SRP54: variants seen among roughly 807,000 people sequenced by gnomAD.
The protein encoded by SRP54 is signal recognition particle 54, also known as signal recognition particle subunit SRP54.
SRP54 carries 10 observed loss-of-function variants against 64.8 expected under a neutral mutation model. The ratio of observed to expected loss-of-function variants is 0.15; its 90% CI spans 0.10 to 0.26. SRP54 has a LOEUF of 0.26. Among genes scored for constraint, SRP54 ranks in the 10% least tolerant of loss-of-function variants. SRP54 has a pLI of 1.00. For synonymous variants in SRP54, 193 were observed against 185.6 expected (o/e 1.04, Z -0.32); for missense variants, 325 against 613.7 (o/e 0.53, Z 4.97).
intron 1 of SRP54, among the ~76,000 whole-genome samples, chr14:34,991,709 T>A (rs962544641): frequency 7.7e-5 from 11 of 142,818 alleles, no homozygotes; most frequent in African/African-American, 2.6e-4. Context: ...ATGATTAAAA[T>A]CAGTCATGCG....
intron 4 of SRP54, among the ~76,000 whole-genome samples, chr14:35,003,524 A>G (rs2044209468): frequency 6.6e-6 from 1 of 150,574 alleles, no homozygotes; most frequent in South Asian, 2.1e-4. Flanking sequence ...ACAGGCATGC[A>G]CCACCATGTT....
chr14:35,024,741 T>G (rs1216871887), intron 14 of SRP54, among the ~76,000 whole-genome samples: 1 of 152,048 alleles, frequency 6.6e-6, no homozygotes, highest in Non-Finnish European at 1.5e-5. Context: ...TTTCTTCTTT[T>G]TTTGAGACAG....
At chr14:35,028,797 C>G (rs962372837) in intron 15 of SRP54, among the ~76,000 whole-genome samples, 1 of 151,882 alleles carries the variant, frequency 6.6e-6, no homozygotes, top group Non-Finnish European at 1.5e-5. Flanking sequence ...ACTATGTGAC[C>G]GGTAGTATCC....
intron 1 of SRP54, among the ~76,000 whole-genome samples, chr14:34,996,117 A>G (rs1056957738): frequency 1.3e-5 from 2 of 152,208 alleles, no homozygotes; most frequent in African/African-American, 4.8e-5. Context: ...TGTGGTTAGA[A>G]GAATAAAATG....
At position 35,022,892 on chromosome 14, in the gene SRP54, A is replaced by C; in HGVS notation, c.1157-18A>C. ...GTGAATGATAATTGTGTGTGAGAGTAACTGACCTTGTCTACAGAACTAGAC... is the reference window on the plus strand; with the variant it reads ...GTGAATGATAATTGTGTGTGAGAGTCACTGACCTTGTCTACAGAACTAGAC... On this transcript the variant is annotated intron_variant, in intron 13 of 15. Coordinates refer to ENST00000216774, the MANE Select transcript of SRP54 (RefSeq NM_003136.4). 1 of 1,585,592 alleles carries C rather than the reference A, an allele frequency of 6.3e-7. No individual in the cohort carries two copies. Among genetic ancestry groups the C allele is most frequent in the Non-Finnish European group, 8.6e-7 (1 of 1,164,682 alleles).
chr14:35,022,839 T>C (rs2044556390), intron 13 of SRP54, 71 bp from the exon 14 acceptor site: 1 of 1,266,808 alleles, frequency 7.9e-7, no homozygotes, highest in Non-Finnish European at 1.1e-6. Context: ...AGTTATATAT[T>C]GCCCATTTGC....
At chr14:35,024,752 A>G (rs536820189) in intron 14 of SRP54, among the ~76,000 whole-genome samples, 14 of 150,978 alleles carry the variant, frequency 9.3e-5, no homozygotes, top group Non-Finnish European at 1.9e-4. Context: ...TTTGAGACAG[A>G]GTCTTGCTCT....
chr14:35,015,236 C>T (rs1233029616), intron 11 of SRP54, among the ~76,000 whole-genome samples: 1 of 152,032 alleles, frequency 6.6e-6, no homozygotes, highest in Non-Finnish European at 1.5e-5. Flanking sequence ...ACCACCAGGC[C>T]CGGCTAATTT....
chr14:35,021,109 C>T (rs775698799), intron 13 of SRP54, among the ~76,000 whole-genome samples: 7 of 152,070 alleles, frequency 4.6e-5, no homozygotes, highest in African/African-American at 9.7e-5. Context: ...AGGTTTTGAT[C>T]GTGACTTTAT....
intron 13 of SRP54, among the ~76,000 whole-genome samples, chr14:35,020,145 A>G (rs1187206787): frequency 2.0e-5 from 3 of 152,182 alleles, no homozygotes; most frequent in Non-Finnish European, 4.4e-5. Flanking sequence ...AGATTGTGTC[A>G]TTGCACTCCA....
intron 13 of SRP54, 78 bp from the exon 14 acceptor site, chr14:35,022,832 T>G (rs1262334976): frequency 1.7e-6 from 2 of 1,206,774 alleles, no homozygotes; most frequent in Non-Finnish European, 2.2e-6. Flanking sequence ...TCTTTGAAGT[T>G]ATATATTGCC....
intron 1 of SRP54, among the ~76,000 whole-genome samples, chr14:34,985,550 A>T (rs1233555520): frequency 6.6e-6 from 1 of 152,128 alleles, no homozygotes; most frequent in African/African-American, 2.4e-5. Context: ...AGCCTTATGG[A>T]GTATGGGTAG....
At chr14:35,020,389 CTCT>C (rs1347061527) in intron 13 of SRP54, among the ~76,000 whole-genome samples, 2 of 152,134 alleles carry the variant, frequency 1.3e-5, no homozygotes, top group African/African-American at 4.8e-5. Context: ...CATTGATTGA[CTCT>C]TCTTTTCACA....
chr14:35,006,488 A>T (rs909354428), intron 4 of SRP54, among the ~76,000 whole-genome samples: 12 of 152,236 alleles, frequency 7.9e-5, no homozygotes, highest in Admixed American at 6.5e-5. Context: ...GGTATGGGAA[A>T]AGAAATGTAA....
At chr14:35,013,321 T>C (rs1352321897) in intron 8 of SRP54, 25 bp from the exon 9 acceptor site, 1 of 1,600,200 alleles carries the variant, frequency 6.2e-7, no homozygotes, top group Non-Finnish European at 8.5e-7. Flanking sequence ...TTTTCTAAAG[T>C]ATCTTTTCTA....
At chr14:35,010,567 C>A (rs1320724046) in intron 7 of SRP54, among the ~76,000 whole-genome samples, 1 of 152,096 alleles carries the variant, frequency 6.6e-6, no homozygotes, top group Non-Finnish European at 1.5e-5. Flanking sequence ...AAGTTTGAGA[C>A]CATCCTGACC....
At chr14:35,019,610 G>A (rs935057637) in intron 13 of SRP54, among the ~76,000 whole-genome samples, 1 of 152,182 alleles carries the variant, frequency 6.6e-6, no homozygotes, top group Non-Finnish European at 1.5e-5. Flanking sequence ...CTTAAGCAAT[G>A]CTTAGAAAAT....
chr14:35,025,280 A>G (rs1464670025), intron 14 of SRP54, among the ~76,000 whole-genome samples: 1 of 152,200 alleles, frequency 6.6e-6, no homozygotes, highest in Non-Finnish European at 1.5e-5. Flanking sequence ...TATGAACAAT[A>G]CCATTGAATA....
intron 1 of SRP54, among the ~76,000 whole-genome samples, chr14:34,984,996 C>T (rs571148808): frequency 4.3e-4 from 65 of 150,894 alleles, no homozygotes; most frequent in African/African-American, 1.6e-3. Context: ...GAGTTTTGAC[C>T]TCTGGTTGAA....
Sources: gnomAD v4.1 joint callset for allele counts (sites outside exome capture counted in the v4.1 genomes callset) on GRCh38, gnomAD v4.1.1 for gene constraint, MANE v1.5 for transcripts, NCBI Gene and HGNC (gene_info 2026-07-23, HGNC 2026-07-21) for gene names.